The following TMEM117 variants were observed in gnomAD, a reference collection of about 807,000 sequenced individuals.
TMEM117 encodes transmembrane protein 117.
A neutral mutation model predicts 52.4 loss-of-function variants in TMEM117; 27 were observed. The observed-to-expected ratio is 0.51, with a 90% CI of 0.38 to 0.71. The LOEUF is 0.71. Among genes scored for constraint, TMEM117 ranks in the 30% least tolerant of loss-of-function variants. The pLI is 0.00. For missense variants in TMEM117, 556 were observed against 630.5 expected (o/e 0.88, Z 1.26); for synonymous variants, 215 against 206.3 (o/e 1.04, Z -0.36).
intron 2 of TMEM117, among the ~76,000 whole-genome samples, chr12:43,937,815 A>G (rs1043317448): frequency 6.6e-6 from 1 of 152,152 alleles, no homozygotes; most frequent in African/African-American, 2.4e-5. Flanking sequence ...ATAGTGGTAA[A>G]GAAGATCAAT....
At chr12:43,814,387 A>T in the TMEM117 span, among the ~76,000 whole-genome samples, 1 of 152,092 alleles carries the variant, frequency 6.6e-6, no homozygotes, top group East Asian at 1.9e-4. Context: ...CTTCCCTACC[A>T]TCCTTCTAAC....
At chr12:44,319,899 A>C (rs1034793676) in intron 6 of TMEM117, among the ~76,000 whole-genome samples, 2 of 152,074 alleles carry the variant, frequency 1.3e-5, no homozygotes, top group Admixed American at 6.6e-5. Flanking sequence ...TCCATTATAC[A>C]TACTCTGTGA....
intron 3 of TMEM117, among the ~76,000 whole-genome samples, chr12:43,978,894 A>G (rs1045639669): frequency 6.6e-6 from 1 of 151,670 alleles, no homozygotes; most frequent in Admixed American, 6.6e-5. Flanking sequence ...CATCTGTCCT[A>G]TTAATCTTGT....
upstream of TMEM117, among the ~76,000 whole-genome samples, chr12:43,832,766 C>T (rs1026817192): frequency 5.9e-5 from 9 of 152,172 alleles, no homozygotes; most frequent in African/African-American, 2.2e-4. Flanking sequence ...ACCACTATGG[C>T]TACTTGTGAG....
At chr12:43,914,137 C>T (rs139679991) in intron 2 of TMEM117, among the ~76,000 whole-genome samples, 98 of 152,222 alleles carry the variant, frequency 6.4e-4, no homozygotes, top group African/African-American at 2.2e-3. Context: ...GCTATAACCC[C>T]ATGTATACCA....
chr12:44,097,957 G>C (rs1947799550), intron 3 of TMEM117, among the ~76,000 whole-genome samples: 1 of 151,956 alleles, frequency 6.6e-6, no homozygotes, highest in African/African-American at 2.4e-5. Context: ...TATCTATAAT[G>C]AATTTTGAAA....
chr12:44,071,080 A>T (rs1947294748), intron 3 of TMEM117, among the ~76,000 whole-genome samples: 1 of 152,218 alleles, frequency 6.6e-6, no homozygotes, highest in African/African-American at 2.4e-5. Context: ...AGTATATTTC[A>T]TTAGTTTTAT....
At chr12:43,985,960 C>G (rs77160876) in intron 3 of TMEM117, among the ~76,000 whole-genome samples, 5,337 of 152,218 alleles carry the variant, frequency 0.035, 134 homozygotes, top group South Asian at 0.071. Context: ...TACTTGAATT[C>G]TAAATTGCAG....
intron 5 of TMEM117, among the ~76,000 whole-genome samples, chr12:44,261,977 A>G (rs78772774): frequency 0.031 from 4,678 of 152,346 alleles, 108 homozygotes; most frequent in Admixed American, 0.044. Flanking sequence ...ACCTTGTTTA[A>G]TGAAATGGAA....
At chr12:43,797,774 G>T in the TMEM117 span, 3 of 1,613,404 alleles carry the variant, frequency 1.9e-6, no homozygotes, top group Middle Eastern at 3.3e-4. Context: ...CTCGAGAAAT[G>T]GGAAATGCTA....
intron 3 of TMEM117, among the ~76,000 whole-genome samples, chr12:44,093,522 C>A (rs76589470): frequency 0.019 from 2,829 of 152,132 alleles, 71 homozygotes; most frequent in East Asian, 0.058. Flanking sequence ...TTGTATTAGA[C>A]CAATTCTAAT....
At chr12:44,210,463 ATTTAT>A (rs1949630956) in intron 4 of TMEM117, among the ~76,000 whole-genome samples, 2 of 152,142 alleles carry the variant, frequency 1.3e-5, no homozygotes, top group Non-Finnish European at 1.5e-5. Flanking sequence ...TTATATCTTA[ATTTAT>A]TTTATCATTT....
intron 2 of TMEM117, among the ~76,000 whole-genome samples, chr12:43,942,528 G>A (rs1945060132): frequency 6.6e-6 from 1 of 152,036 alleles, no homozygotes; most frequent in South Asian, 2.1e-4. Flanking sequence ...TAGTTATACA[G>A]TCACATTCTC....
At chr12:43,937,386 G>GT (rs1944968444) in intron 2 of TMEM117, among the ~76,000 whole-genome samples, 2 of 152,326 alleles carry the variant, frequency 1.3e-5, no homozygotes, top group African/African-American at 4.8e-5. Context: ...TCATGATTGT[G>GT]TAGTGGCTTC....
At position 44,299,661 on chromosome 12, in the gene TMEM117, A is replaced by T; in HGVS notation, c.690A>T (p.Gly230=). ...DWISWDKLNR[G]FLPSDEVSRA... Reference sequence around the variant, plus strand: ...TCAGCTGGGACAAGCTGAATCGGGGATTTTTGCCCAGTGATGAAGTTTCCA... The same window carrying T: ...TCAGCTGGGACAAGCTGAATCGGGGTTTTTTGCCCAGTGATGAAGTTTCCA... The change falls in exon 6 of 8, where the codon GGA becomes GGT. Residue 230 remains glycine, a synonymous_variant. Coordinates refer to ENST00000266534, the MANE Select transcript of TMEM117 (RefSeq NM_032256.3). The T allele has an allele frequency of 6.2e-7, 1 of 1,614,076 alleles. No homozygotes were observed. The highest frequency in any genetic ancestry group is 1.6e-4 in the Middle Eastern group (1 of 6,062).
intron 5 of TMEM117, among the ~76,000 whole-genome samples, chr12:44,258,434 T>C (rs1285814367): frequency 2.6e-5 from 4 of 152,124 alleles, no homozygotes; most frequent in Non-Finnish European, 4.4e-5. Context: ...GAAAACATTT[T>C]TTCTTCTTCC....
chr12:44,388,888 T>G lies in TMEM117; in HGVS notation c.*216T>G. ...GTATACTCAACAGTCCTCTAGAGAT[T>G]GCTTTTCACAATTGCACAAGCTATT... On this transcript the variant is annotated 3_prime_UTR_variant, in exon 8 of 8. Coordinates refer to ENST00000266534, the MANE Select transcript of TMEM117 (RefSeq NM_032256.3). 1 of 552,896 alleles carries G rather than the reference T, an allele frequency of 1.8e-6. No homozygotes were observed. The highest frequency in any genetic ancestry group is 3.2e-6 in the Non-Finnish European group (1 of 317,422). 34.2% of individuals were successfully genotyped at this position (552,896 alleles called of 1,614,324 possible). A position where few individuals can be genotyped will look rare whatever the true frequency, so the allele number is the denominator to read the frequency against.
chr12:43,935,180 G>T (rs1448203533), intron 2 of TMEM117, among the ~76,000 whole-genome samples: 1 of 151,910 alleles, frequency 6.6e-6, no homozygotes, highest in Admixed American at 6.6e-5. Flanking sequence ...CTAATTTTTT[G>T]TATTAGAGAC....
At chr12:44,011,935 G>A (rs1946297839) in intron 3 of TMEM117, among the ~76,000 whole-genome samples, 1 of 152,122 alleles carries the variant, frequency 6.6e-6, no homozygotes. Context: ...TTCCCAGGAG[G>A]GATGGAATGG....
Sources: allele counts gnomAD v4.1 joint callset (sites outside exome capture counted in the v4.1 genomes callset), GRCh38; gene constraint gnomAD v4.1.1; transcripts MANE v1.5; gene names NCBI Gene and HGNC (gene_info 2026-07-23, HGNC 2026-07-21).